GCA: variants seen among roughly 807,000 people sequenced by gnomAD.
GCA encodes grancalcin, EF-hand calcium-binding protein.
In GCA, 30 loss-of-function variants were observed where a neutral mutation model predicts 32.6. That is an observed-to-expected ratio of 0.92 (90% CI 0.69 to 1.25). The LOEUF (loss-of-function observed/expected upper bound fraction) is 1.25. Among genes scored for constraint, GCA ranks in the 50% most tolerant of loss-of-function variants. The probability of loss-of-function intolerance (pLI) is 0.00; values close to 1 mark genes in which losing one functional copy is unlikely to be tolerated. For synonymous variants in GCA, 102 were observed against 84.6 expected (o/e 1.21, Z -1.13); for missense variants, 291 against 266.8 (o/e 1.09, Z -0.63).
Position 162,344,590 on chromosome 2 carries a change from G to A in GCA, c.27+315G>A, listed in dbSNP as rs1576278612. ...CCACCCTCTTCTTGTTCCAGTAATC[G>A]TTTGTGGTACTTCCCTCCCCCGCCC... On this transcript the variant is annotated intron_variant, in intron 1 of 7. Coordinates refer to ENST00000437150, the MANE Select transcript of GCA (RefSeq NM_012198.5). 1.1e-5 allele frequency: 5 copies of A among 464,828 alleles called. No individual in the cohort carries two copies. The East Asian group carries it at 1.8e-4, about 16-fold the overall frequency. The allele number at this position is 464,828 out of a possible 1,614,324, so 28.8% of individuals were successfully genotyped here. A position where few individuals can be genotyped will look rare whatever the true frequency, so the allele number is the denominator to read the frequency against.
intron 3 of GCA, among the ~76,000 whole-genome samples, chr2:162,354,691 A>G (rs1685174173): frequency 6.6e-6 from 1 of 152,146 alleles, no homozygotes; most frequent in African/African-American, 2.4e-5. Context: ...TTCTCATTAC[A>G]AGTTCAGGAA....
rs961182735 is a variant in GCA at position 162,370,609 on chromosome 2, A to G, written c.366-697A>G. 2.0e-5 allele frequency among the ~76,000 whole-genome samples: 3 copies of G among 152,086 alleles called. No homozygotes were observed. The South Asian group carries it at 6.2e-4, about 32-fold the overall frequency. On this transcript the variant is annotated intron_variant, in intron 4 of 4. Transcript: ENST00000414723. ...GGCAAAAGTGTTGGAATAACTAAAC[A>G]CAACTGAAATTTTACTGCTGGTATG...
chr2:162,323,718 T>C (rs1683770370), intron 1 of GCA, among the ~76,000 whole-genome samples: 1 of 151,860 alleles, frequency 6.6e-6, no homozygotes, highest in Non-Finnish European at 1.5e-5. Context: ...CAGATAGTTG[T>C]AGATATGTGG....
chr2:162,324,253 T>C (rs1683793885), intron 1 of GCA, among the ~76,000 whole-genome samples: 1 of 152,204 alleles, frequency 6.6e-6, no homozygotes, highest in African/African-American at 2.4e-5. Context: ...TCCCAGGTTC[T>C]TGACTTGGTA....
chr2:162,329,132 G>A (rs1683988995), intron 1 of GCA, among the ~76,000 whole-genome samples: 4 of 152,032 alleles, frequency 2.6e-5, no homozygotes, highest in South Asian at 4.2e-4. Flanking sequence ...GGATGGGGGC[G>A]TGGCAGGCCA....
chr2:162,352,676 AT>A (rs1016202877), intron 3 of GCA, among the ~76,000 whole-genome samples: 1 of 151,960 alleles, frequency 6.6e-6, no homozygotes, highest in Admixed American at 6.6e-5. Context: ...AAGATAGAAT[AT>A]TTTTTTCACG....
intron 3 of GCA, among the ~76,000 whole-genome samples, chr2:162,354,028 C>A (rs1378907305): frequency 6.6e-6 from 1 of 151,994 alleles, no homozygotes; most frequent in Non-Finnish European, 1.5e-5. Context: ...TGATATTGTC[C>A]CTTATCTCTC....
chr2:162,332,591 A>C (rs1454271937), intron 1 of GCA, among the ~76,000 whole-genome samples: 1 of 152,090 alleles, frequency 6.6e-6, no homozygotes, highest in Non-Finnish European at 1.5e-5. Context: ...GCCTACTAAC[A>C]AGGCCCATAG....
At chr2:162,328,609 G>C (rs1683972795) in intron 1 of GCA, among the ~76,000 whole-genome samples, 1 of 152,146 alleles carries the variant, frequency 6.6e-6, no homozygotes, top group Non-Finnish European at 1.5e-5. Context: ...GCGGTGTCTA[G>C]GGCTGAATAT....
At chr2:162,347,871 T>C (rs982700163) in intron 2 of GCA, 129 bp downstream of exon 2, 25 of 477,624 alleles carry the variant, frequency 5.2e-5, no homozygotes, top group Non-Finnish European at 8.4e-5. Flanking sequence ...CTAATTTTTT[T>C]CCTGAGATCA....
At chr2:162,340,752 CCTT>C (rs1684415935), upstream of GCA, among the ~76,000 whole-genome samples, 2 of 152,200 alleles carry the variant, frequency 1.3e-5, no homozygotes, top group South Asian at 4.1e-4. Flanking sequence ...TCACTGGCCT[CCTT>C]GTTATTCTTC....
chr2:162,366,236 A>AT (rs1376164084), downstream of GCA, among the ~76,000 whole-genome samples: 1 of 151,798 alleles, frequency 6.6e-6, no homozygotes, highest in Non-Finnish European at 1.5e-5. Flanking sequence ...ACTTCTCATA[A>AT]TAAGTACTAT....
chr2:162,363,843 T>G (rs1343229051), downstream of GCA, among the ~76,000 whole-genome samples: 4 of 151,550 alleles, frequency 2.6e-5, no homozygotes, highest in African/African-American at 9.7e-5. Context: ...TTGTGTATTA[T>G]TTTGCGAGTA....
chr2:162,334,409 G>A (rs1210119288), intron 1 of GCA, among the ~76,000 whole-genome samples: 1 of 152,076 alleles, frequency 6.6e-6, no homozygotes, highest in African/African-American at 2.4e-5. Context: ...TACTGCTAAT[G>A]TTCTCTCCAA....
At chr2:162,343,988 G>A, upstream of GCA, 3 of 564,932 alleles carry the variant, frequency 5.3e-6, no homozygotes, top group South Asian at 2.1e-5. Context: ...GCCAATCAGG[G>A]CAGAGATGGG....
At chr2:162,325,672 C>T (rs1008197411) in intron 1 of GCA, among the ~76,000 whole-genome samples, 5 of 152,080 alleles carry the variant, frequency 3.3e-5, no homozygotes, top group African/African-American at 1.2e-4. Flanking sequence ...AATGTTTGCC[C>T]CCTTCCCTGA....
At chr2:162,359,312 T>C in intron 6 of GCA, 155 bp downstream of exon 6, 1 of 622,320 alleles carries the variant, frequency 1.6e-6, no homozygotes, top group Non-Finnish European at 2.9e-6. Flanking sequence ...TATTAAGGAA[T>C]ATAAATGATA....
downstream of GCA, among the ~76,000 whole-genome samples, chr2:162,363,413 C>T (rs1685657618): frequency 6.6e-6 from 1 of 151,250 alleles, no homozygotes; most frequent in Admixed American, 6.6e-5. Context: ...ATACATAATG[C>T]TAAAATATCA....
chr2:162,355,912 C>G (rs1207288266), intron 3 of GCA, among the ~76,000 whole-genome samples: 1 of 151,690 alleles, frequency 6.6e-6, no homozygotes, highest in African/African-American at 2.4e-5. Flanking sequence ...TTAGAATTTC[C>G]CTTCTGCTTC....
Sources: allele counts gnomAD v4.1 joint callset (sites outside exome capture counted in the v4.1 genomes callset), GRCh38; gene constraint gnomAD v4.1.1; transcripts MANE v1.5; gene names NCBI Gene and HGNC (gene_info 2026-07-23, HGNC 2026-07-21).